Variants in SCN11A observed in about 807,000 individuals in gnomAD.
SCN11A encodes the protein sodium voltage-gated channel alpha subunit 11.
A neutral mutation model predicts 162.2 loss-of-function variants in SCN11A; 122 were observed. The ratio of observed to expected loss-of-function variants is 0.75; its 90% confidence interval spans 0.65 to 0.87. SCN11A has a LOEUF of 0.87. Among genes scored for constraint, SCN11A ranks in the 40% least tolerant of loss-of-function variants. The pLI is 0.00. For missense variants in SCN11A, 2,015 were observed against 2,181.6 expected (o/e 0.92, Z 1.52); for synonymous variants, 758 against 751.5 (o/e 1.01, Z -0.14).
chr3:38,971,159 G>T (rs1482457000), intron 2 of SCN11A, among the ~76,000 whole-genome samples: 2 of 146,188 alleles, frequency 1.4e-5, no homozygotes, highest in Non-Finnish European at 3.0e-5. Context: ...TCTTTTTCTT[G>T]TTTTTTTTTT....
intron 22 of SCN11A, 121 bp from the exon 23 acceptor site, chr3:38,880,244 G>C: frequency 1.5e-6 from 1 of 662,600 alleles, no homozygotes; most frequent in East Asian, 2.8e-5. Flanking sequence ...TCGTAATGAG[G>C]TTCTGCTCAA....
chr3:38,932,532 T>C (rs1460170868), intron 7 of SCN11A, among the ~76,000 whole-genome samples: 1 of 152,176 alleles, frequency 6.6e-6, no homozygotes, highest in African/African-American at 2.4e-5. Context: ...ACTGCGCTTT[T>C]CCGACGGGCT....
At chr3:39,039,366 C>A (rs1481869695) in intron 1 of SCN11A, among the ~76,000 whole-genome samples, 1 of 152,188 alleles carries the variant, frequency 6.6e-6, no homozygotes, top group African/African-American at 2.4e-5. Flanking sequence ...AATACATCCA[C>A]AAACACACAA....
chr3:38,870,897 G>C (rs925212274), intron 25 of SCN11A, among the ~76,000 whole-genome samples, 153 bp from the exon 26 acceptor site: 2 of 152,192 alleles, frequency 1.3e-5, no homozygotes, highest in Admixed American at 1.3e-4. Context: ...AAGAACAGTA[G>C]AAGGGAACTC....
intron 7 of SCN11A, among the ~76,000 whole-genome samples, chr3:38,940,370 T>A (rs1363433742): frequency 6.6e-6 from 1 of 152,060 alleles, no homozygotes; most frequent in Non-Finnish European, 1.5e-5. Context: ...AAAATTTACA[T>A]GAAAAAATCA....
At chr3:38,941,512 G>A (rs1299708314) in intron 7 of SCN11A, among the ~76,000 whole-genome samples, 1 of 152,116 alleles carries the variant, frequency 6.6e-6, no homozygotes, top group Non-Finnish European at 1.5e-5. Flanking sequence ...ATGATAAACT[G>A]TATTGTTGGG....
At chr3:38,951,030 G>A (rs1323764209) in intron 4 of SCN11A, among the ~76,000 whole-genome samples, 1 of 152,250 alleles carries the variant, frequency 6.6e-6, no homozygotes, top group Non-Finnish European at 1.5e-5. Context: ...CGCCTCCTCT[G>A]CCTGGGCTCC....
At chr3:38,981,537 T>TTGTGTGTGTGTGTG (rs10578149) in intron 2 of SCN11A, among the ~76,000 whole-genome samples, 134 of 145,970 alleles carry the variant, frequency 9.2e-4, no homozygotes, top group African/African-American at 3.2e-3. Context: ...GTGTGTGTGT[T>TTGTGTGTGTGTGTG]TGTGTGTGTG....
chr3:39,016,275 G>A (rs972860597), intron 2 of SCN11A, among the ~76,000 whole-genome samples: 2 of 152,236 alleles, frequency 1.3e-5, no homozygotes, highest in Non-Finnish European at 2.9e-5. Flanking sequence ...AGGGAAGGCA[G>A]TAAAATTCTC....
intron 28 of SCN11A, among the ~76,000 whole-genome samples, chr3:38,855,010 G>A (rs1415513109): frequency 6.6e-6 from 1 of 152,244 alleles, no homozygotes; most frequent in Non-Finnish European, 1.5e-5. Flanking sequence ...AATCCAGGGG[G>A]CTAACGGGAG....
Position 38,847,033 on chromosome 3 carries a change from G to A in SCN11A, c.5037C>T (p.Arg1679=), listed in dbSNP as rs61752574. 12,693 of 1,613,900 alleles carry A rather than the reference G, an allele frequency of 7.9e-3. 873 individuals are homozygous for A. The African/African-American group carries it at 0.15, about 19-fold the overall frequency. The part of the protein sequence containing the change: ...VMDLPMVSED[R]LHCMDILFAF... ...CGAAAAGAATATCCATGCAGTGGAG[G>A]CGATCTTCACTCACCATGGGCAAGT... The change falls in exon 30 of 30, where the codon CGC becomes CGT. Residue 1679 remains arginine, a synonymous_variant. Transcript: ENST00000302328.
At chr3:38,876,949 C>T (rs2065217337) in intron 23 of SCN11A, among the ~76,000 whole-genome samples, 2 of 150,858 alleles carry the variant, frequency 1.3e-5, no homozygotes, top group Admixed American at 6.6e-5. Flanking sequence ...GGATTCAGCC[C>T]AAATGCCCAT....
intron 2 of SCN11A, among the ~76,000 whole-genome samples, chr3:39,024,844 T>C (rs941064824): frequency 1.2e-4 from 19 of 152,360 alleles, no homozygotes; most frequent in African/African-American, 4.1e-4. Context: ...TCCAATCACA[T>C]TTCTACAGGG....
rs541762446 is a variant in SCN11A, at chr3:38,849,628, T to C, written c.4327+853A>G. ...GCTCCTGGACAGTTTTACATAATTA[T>C]AAAATGTCAAGTTAACAGTTTAATT... On this transcript the variant is annotated intron_variant, in intron 29 of 29. Coordinates refer to ENST00000302328, the MANE Select transcript of SCN11A (RefSeq NM_001349253.2). The C allele has an allele frequency of 1.0e-3, 159 of 152,326 alleles. 1 individual carries two copies. The highest frequency in any genetic ancestry group is 3.1e-3 in the African/African-American group (128 of 41,564). The allele number at this position is 152,326 out of a possible 1,614,324, so 9.4% of individuals were successfully genotyped here. A position where few individuals can be genotyped will look rare whatever the true frequency, so the allele number is the denominator to read the frequency against.
At chr3:39,004,851 T>C (rs896060587) in intron 2 of SCN11A, among the ~76,000 whole-genome samples, 2 of 152,208 alleles carry the variant, frequency 1.3e-5, no homozygotes, top group Admixed American at 6.5e-5. Context: ...TTCAGTCTCA[T>C]GTGATACTGT....
intron 5 of SCN11A, among the ~76,000 whole-genome samples, chr3:38,949,595 A>G (rs1208827625): frequency 6.6e-6 from 1 of 152,174 alleles, no homozygotes; most frequent in Admixed American, 6.5e-5. Flanking sequence ...TGCTATAATG[A>G]GCATTTCTGG....
intron 23 of SCN11A, among the ~76,000 whole-genome samples, chr3:38,873,987 T>G (rs1221861375): frequency 6.6e-6 from 1 of 152,202 alleles, no homozygotes; most frequent in Admixed American, 6.5e-5. Flanking sequence ...TTTCCTATTA[T>G]GCAAAACAGT....
intron 3 of SCN11A, among the ~76,000 whole-genome samples, chr3:38,956,525 T>C (rs1575334713): frequency 6.6e-6 from 1 of 152,252 alleles, no homozygotes; most frequent in East Asian, 1.9e-4. Context: ...CATCCTTCAG[T>C]ATAACAGGAA....
intron 2 of SCN11A, among the ~76,000 whole-genome samples, chr3:38,972,363 C>G (rs1471994025): frequency 6.6e-6 from 1 of 152,108 alleles, no homozygotes; most frequent in Non-Finnish European, 1.5e-5. Context: ...GGTCCCCTAG[C>G]AGGCTTGGGT....
Sources: allele counts gnomAD v4.1 joint callset (sites outside exome capture counted in the v4.1 genomes callset), GRCh38; gene constraint gnomAD v4.1.1; transcripts MANE v1.5; gene names NCBI Gene and HGNC (gene_info 2026-07-23, HGNC 2026-07-21).